Variants in RAD51B observed in about 807,000 individuals in gnomAD.
The protein encoded by RAD51B is DNA repair protein RAD51 homolog 2.
In RAD51B, 38 loss-of-function variants were observed where a neutral mutation model predicts 42.2. The ratio of observed to expected loss-of-function variants is 0.90; its 90% CI spans 0.70 to 1.18. RAD51B has a LOEUF of 1.18. Among genes scored for constraint, RAD51B ranks in the 50% most tolerant of loss-of-function variants. RAD51B has a pLI of 0.00. For missense variants in RAD51B, 373 were observed against 400.7 expected, an observed-to-expected ratio of 0.93 and a Z score of 0.59; for synonymous variants, 154 against 145.2, an observed-to-expected ratio of 1.06 and a Z score of -0.43.
chr14:68,570,901 A>G (rs1475748324), intron 10 of RAD51B, among the ~76,000 whole-genome samples: 1 of 151,108 alleles, frequency 6.6e-6, no homozygotes, highest in Non-Finnish European at 1.5e-5. Flanking sequence ...ACACACATGC[A>G]CACACACACA....
chr14:67,974,006 C>G (rs1189917696), intron 7 of RAD51B, among the ~76,000 whole-genome samples: 1 of 151,980 alleles, frequency 6.6e-6, no homozygotes, highest in Non-Finnish European at 1.5e-5. Context: ...ATTTTAGATT[C>G]AGATAAATGC....
At chr14:68,620,529 T>C (rs1384903135) in intron 10 of RAD51B, among the ~76,000 whole-genome samples, 1 of 152,178 alleles carries the variant, frequency 6.6e-6, no homozygotes, top group African/African-American at 2.4e-5. Context: ...CCCTAACCCT[T>C]GATCCTGGCC....
chr14:67,911,577 C>T (rs181103044), intron 7 of RAD51B, among the ~76,000 whole-genome samples: 15 of 152,248 alleles, frequency 9.9e-5, no homozygotes, highest in Admixed American at 6.5e-4. Context: ...ATAGAAACAG[C>T]ATTTGTTGAG....
intron 11 of RAD51B, among the ~76,000 whole-genome samples, chr14:68,680,623 A>C (rs528789496): frequency 3.2e-4 from 48 of 152,210 alleles, no homozygotes; most frequent in African/African-American, 1.1e-3. Flanking sequence ...GTCCCATGCT[A>C]TCTGATGGCC....
chr14:67,999,959 C>T (rs1176481657), intron 7 of RAD51B, among the ~76,000 whole-genome samples: 1 of 151,954 alleles, frequency 6.6e-6, no homozygotes, highest in Non-Finnish European at 1.5e-5. Flanking sequence ...TGAATGTCAG[C>T]ATAGTCCAGA....
intron 7 of RAD51B, among the ~76,000 whole-genome samples, chr14:68,214,897 C>T (rs1362932669): frequency 6.6e-6 from 1 of 152,132 alleles, no homozygotes; most frequent in Admixed American, 6.5e-5. Context: ...TTTATTTCAA[C>T]TTTGTTGTTT....
At chr14:68,081,773 G>A (rs1047872669) in intron 7 of RAD51B, among the ~76,000 whole-genome samples, 1 of 152,126 alleles carries the variant, frequency 6.6e-6, no homozygotes, top group African/African-American at 2.4e-5. Flanking sequence ...CAGATGGGCA[G>A]GCTGTGGGGC....
intron 7 of RAD51B, among the ~76,000 whole-genome samples, chr14:68,172,158 C>T (rs890751506): frequency 2.6e-5 from 4 of 152,176 alleles, no homozygotes; most frequent in African/African-American, 4.8e-5. Context: ...ACTGTACCTC[C>T]CTCAGTGTCA....
intron 7 of RAD51B, among the ~76,000 whole-genome samples, chr14:68,043,181 C>T (rs2140400369): frequency 6.6e-6 from 1 of 152,276 alleles, no homozygotes; most frequent in Admixed American, 6.5e-5. Flanking sequence ...ACCTTTGACA[C>T]CCAAGGACTT....
chr14:67,837,501 G>A (rs1434150688), intron 4 of RAD51B, among the ~76,000 whole-genome samples: 1 of 152,122 alleles, frequency 6.6e-6, no homozygotes, highest in Non-Finnish European at 1.5e-5. Flanking sequence ...ACTTGGAATA[G>A]GAATATAAAT....
At chr14:68,481,121 T>C (rs1883143615), downstream of RAD51B, among the ~76,000 whole-genome samples, 1 of 152,230 alleles carries the variant, frequency 6.6e-6, no homozygotes, top group African/African-American at 2.4e-5. Flanking sequence ...TAAATGTATA[T>C]GTTTTTCTCT....
At chr14:68,294,659 T>C (rs1408147638) in intron 8 of RAD51B, among the ~76,000 whole-genome samples, 1 of 152,192 alleles carries the variant, frequency 6.6e-6, no homozygotes, top group Non-Finnish European at 1.5e-5. Context: ...TATAAGATCA[T>C]GAGGTAGGTC....
In RAD51B at chr14:68,331,861, T is replaced by A. The variant is rs139249925; in HGVS notation, c.853+39881T>A. On this transcript the variant is annotated intron_variant, in intron 8 of 10. Transcript: ENST00000471583. ...GAAAAACTGGGAAGGGAGAAGAATA[T>A]CAATTCTGCAAACTGGTTATTGAAA... Among the ~76,000 whole-genome samples, 429 of 152,312 alleles carry A rather than the reference T, an allele frequency of 2.8e-3. 8 individuals are homozygous for A. In the East Asian group the frequency reaches 0.038, roughly 14 times the overall value.
chr14:68,334,235 T>C (rs910477291), intron 8 of RAD51B, among the ~76,000 whole-genome samples: 4 of 152,170 alleles, frequency 2.6e-5, no homozygotes, highest in African/African-American at 4.8e-5. Context: ...ATTAGCCTAC[T>C]GTTGATTGGA....
At chr14:68,389,139 T>C (rs2083677253) in intron 8 of RAD51B, among the ~76,000 whole-genome samples, 1 of 152,168 alleles carries the variant, frequency 6.6e-6, no homozygotes, top group African/African-American at 2.4e-5. Flanking sequence ...AAGTATAATA[T>C]GTAAACAAAA....
At chr14:68,653,043 C>T (rs1292725369) in intron 11 of RAD51B, among the ~76,000 whole-genome samples, 1 of 152,238 alleles carries the variant, frequency 6.6e-6, no homozygotes, top group Non-Finnish European at 1.5e-5. Context: ...GATTCACACG[C>T]ATGTTTTATT....
intron 7 of RAD51B, among the ~76,000 whole-genome samples, chr14:68,125,817 T>C (rs1457013563): frequency 6.6e-6 from 1 of 152,116 alleles, no homozygotes; most frequent in Non-Finnish European, 1.5e-5. Context: ...AAATATCATG[T>C]AATTGGCCAT....
chr14:68,361,466 T>C (rs1043687551), intron 8 of RAD51B, among the ~76,000 whole-genome samples: 6 of 152,218 alleles, frequency 3.9e-5, no homozygotes, highest in African/African-American at 2.4e-5. Flanking sequence ...CCACTGCTTT[T>C]ACACTTGGCC....
intron 8 of RAD51B, among the ~76,000 whole-genome samples, chr14:68,311,027 G>A (rs992261416): frequency 2.0e-5 from 3 of 152,076 alleles, no homozygotes; most frequent in Admixed American, 2.0e-4. Flanking sequence ...GGGATGCAGA[G>A]TAGATTGTCG....
Sources: allele counts gnomAD v4.1 joint callset (sites outside exome capture counted in the v4.1 genomes callset), GRCh38; gene constraint gnomAD v4.1.1; transcripts MANE v1.5; gene names NCBI Gene and HGNC (gene_info 2026-07-23, HGNC 2026-07-21).